Variants in MRTFA observed in about 807,000 individuals in gnomAD.
The protein encoded by MRTFA is myocardin related transcription factor A.
In MRTFA, 20 loss-of-function variants were observed where a neutral mutation model predicts 83.5. The observed-to-expected ratio is 0.24, with a 90% CI of 0.17 to 0.35. The LOEUF is 0.35. Among genes scored for constraint, MRTFA ranks in the 10% least tolerant of loss-of-function variants. The pLI is 1.00. For synonymous variants in MRTFA, 659 were observed against 541.2 expected, an observed-to-expected ratio of 1.22 and a Z score of -3.02; for missense variants, 1,200 against 1,224.7, an observed-to-expected ratio of 0.98 and a Z score of 0.30.
At chr22:40,553,866 CA>C (rs113657874) in intron 2 of MRTFA, among the ~76,000 whole-genome samples, 41 of 152,290 alleles carry the variant, frequency 2.7e-4, no homozygotes, top group African/African-American at 9.4e-4. Context: ...TGAAAGCAGC[CA>C]GGGGTGAAGC....
At chr22:40,622,767 T>C (rs756746824) in intron 1 of MRTFA, among the ~76,000 whole-genome samples, 1 of 151,752 alleles carries the variant, frequency 6.6e-6, no homozygotes, top group Non-Finnish European at 1.5e-5. Context: ...TTCAAATGTA[T>C]GACCTCCAGA....
In MRTFA at chr22:40,435,380, G is replaced by A. The variant is rs1233965676; in HGVS notation, c.363+119C>T. On this transcript the variant is annotated intron_variant, in intron 5 of 14. Transcript: ENST00000355630. Reference sequence around the variant, plus strand: ...CCACAAGGCCAGGGCTGGCCCTAGAGTCTAGCAGGCTCTGGCCTCAGAGTT... The same window carrying A: ...CCACAAGGCCAGGGCTGGCCCTAGAATCTAGCAGGCTCTGGCCTCAGAGTT... 2.7e-6 allele frequency: 3 copies of A among 1,093,814 alleles called. No homozygotes were observed. In the African/African-American group the frequency reaches 4.7e-5, roughly 17 times the overall value. The allele number at this position is 1,093,814 out of a possible 1,614,324, so 67.8% of individuals were successfully genotyped here. A position where few individuals can be genotyped will look rare whatever the true frequency, so the allele number is the denominator to read the frequency against.
At position 40,504,490 on chromosome 22, in the gene MRTFA, GA is replaced by G. The variant is rs536797196; in HGVS notation, c.242-41205del. Among the ~76,000 whole-genome samples, 7 of 152,268 alleles carry G rather than the reference GA, an allele frequency of 4.6e-5. No homozygotes were observed. The South Asian group carries it at 1.4e-3, about 32-fold the overall frequency. ...TACATCACATCAGCCTTTCTGTTAG[GA>G]AACAGTACCTTTTCTGATTAATAAA... On this transcript the variant is annotated intron_variant, in intron 3 of 14. Transcript: ENST00000355630.
At chr22:40,608,162 CTA>C (rs2056341435) in intron 1 of MRTFA, among the ~76,000 whole-genome samples, 2 of 152,116 alleles carry the variant, frequency 1.3e-5, no homozygotes, top group African/African-American at 4.8e-5. Flanking sequence ...GTAGTTGGGA[CTA>C]CACACCCGGC....
chr22:40,568,680 CAAAGT>C (rs755198701), intron 2 of MRTFA, among the ~76,000 whole-genome samples: 2 of 152,160 alleles, frequency 1.3e-5, no homozygotes, highest in Non-Finnish European at 2.9e-5. Context: ...ATTTTCCAAA[CAAAGT>C]AAATAATACA....
chr22:40,596,833 G>T (rs1028261361), intron 1 of MRTFA, among the ~76,000 whole-genome samples: 3 of 151,848 alleles, frequency 2.0e-5, no homozygotes, highest in African/African-American at 7.3e-5. Context: ...AAAATAGCTC[G>T]GAGTGGTGGT....
chr22:40,611,687 G>C (rs2147414680), intron 1 of MRTFA, among the ~76,000 whole-genome samples: 1 of 152,282 alleles, frequency 6.6e-6, no homozygotes, highest in Non-Finnish European at 1.5e-5. Flanking sequence ...TATCAGTACA[G>C]AATGATAACC....
intron 3 of MRTFA, among the ~76,000 whole-genome samples, chr22:40,520,073 T>C (rs1004283020): frequency 6.6e-6 from 1 of 152,184 alleles, no homozygotes; most frequent in African/African-American, 2.4e-5. Flanking sequence ...TCCCTAGGGT[T>C]TTCTTGTGTC....
At chr22:40,428,590 T>C (rs2053002400) in intron 7 of MRTFA, among the ~76,000 whole-genome samples, 1 of 152,180 alleles carries the variant, frequency 6.6e-6, no homozygotes, top group Admixed American at 6.5e-5. Context: ...CATAGCTCAC[T>C]ACGGCCTTGA....
chr22:40,544,414 A>AG (rs910519585), intron 3 of MRTFA, among the ~76,000 whole-genome samples: 6 of 151,978 alleles, frequency 3.9e-5, no homozygotes, highest in African/African-American at 1.5e-4. Context: ...TTTTTGAGAG[A>AG]GGGGGTCTTG....
At chr22:40,545,900 A>AT (rs1447844802) in intron 3 of MRTFA, among the ~76,000 whole-genome samples, 1 of 136,476 alleles carries the variant, frequency 7.3e-6, no homozygotes, top group Non-Finnish European at 1.6e-5. Context: ...CGCCCAGCTA[A>AT]TTTTTTAGTA....
At chr22:40,549,935 G>T (rs1483538309) in intron 3 of MRTFA, among the ~76,000 whole-genome samples, 1 of 151,742 alleles carries the variant, frequency 6.6e-6, no homozygotes, top group Non-Finnish European at 1.5e-5. Context: ...TGTAATCCCA[G>T]CTACTCGGGT....
At chr22:40,464,309 GA>G (rs398040500) in intron 3 of MRTFA, among the ~76,000 whole-genome samples, 9,521 of 56,370 alleles carry the variant, frequency 0.17, 300 homozygotes, top group Non-Finnish European at 0.22. Context: ...GCTGTCTCAG[GA>G]AAAAAAAAAA....
chr22:40,452,805 CAAAAAAAA>C (rs34486531), intron 4 of MRTFA, among the ~76,000 whole-genome samples: 2 of 62,668 alleles, frequency 3.2e-5, no homozygotes, highest in Non-Finnish European at 6.3e-5. Context: ...CACTCCGTCT[CAAAAAAAA>C]AAAAAAAAAA....
chr22:40,633,573 T>C (rs1345770535), intron 1 of MRTFA, among the ~76,000 whole-genome samples: 2 of 152,186 alleles, frequency 1.3e-5, no homozygotes, highest in Non-Finnish European at 2.9e-5. Context: ...AAGTGCTTCA[T>C]ATGGAATCTG....
chr22:40,577,733 A>C (rs1333621154), intron 2 of MRTFA, among the ~76,000 whole-genome samples: 2 of 151,272 alleles, frequency 1.3e-5, no homozygotes, highest in Non-Finnish European at 2.9e-5. Flanking sequence ...CAGCCTCCCG[A>C]GTAGCTGGGA....
chr22:40,463,006 C>T (rs1273599595), intron 4 of MRTFA, among the ~76,000 whole-genome samples: 1 of 152,056 alleles, frequency 6.6e-6, no homozygotes, highest in Admixed American at 6.5e-5. Context: ...CAGGTTTGAC[C>T]CTTTAAACAC....
chr22:40,502,292 T>C (rs2147225956), intron 3 of MRTFA, among the ~76,000 whole-genome samples: 1 of 126,760 alleles, frequency 7.9e-6, no homozygotes, highest in Admixed American at 7.4e-5. Context: ...GAGGGGCTCC[T>C]CACTTCTCAG....
intron 3 of MRTFA, among the ~76,000 whole-genome samples, chr22:40,513,822 C>T (rs1050404107): frequency 2.0e-5 from 3 of 151,882 alleles, no homozygotes; most frequent in Non-Finnish European, 4.4e-5. Context: ...TTGGGCTGGG[C>T]GTGATGGCTC....
Sources: allele counts gnomAD v4.1 joint callset (sites outside exome capture counted in the v4.1 genomes callset), GRCh38; gene constraint gnomAD v4.1.1; transcripts MANE v1.5; gene names NCBI Gene and HGNC (gene_info 2026-07-23, HGNC 2026-07-21).